The following NAALADL2 variants were observed in gnomAD, a reference collection of about 807,000 sequenced individuals.
The protein encoded by NAALADL2 is inactive N-acetylated-alpha-linked acidic dipeptidase-like protein 2.
NAALADL2 carries 76 observed loss-of-function variants against 87.2 expected under a neutral mutation model. That is an observed-to-expected ratio of 0.87 (90% CI 0.72 to 1.05). NAALADL2 has a LOEUF of 1.05. Ranked by LOEUF, NAALADL2 falls within the 50% of genes least tolerant of loss-of-function variation. The pLI is 0.00. For synonymous variants in NAALADL2, 354 were observed against 331.0 expected, an observed-to-expected ratio of 1.07 and a Z score of -0.75; for missense variants, 1,089 against 945.8, an observed-to-expected ratio of 1.15 and a Z score of -1.99.
Position 174,968,636 on chromosome 3 carries a change from C to T in NAALADL2, c.43+109186C>T, listed in dbSNP as rs868361786. The stretch of plus-strand genomic sequence containing the variant: ...CTGGGATTACAGGTGCACGCCACCA[C>T]GCCCAGCTAATTTTTGTATTTTTAT... On this transcript the variant is annotated intron_variant, in intron 1 of 13. Coordinates refer to ENST00000454872, the MANE Select transcript of NAALADL2 (RefSeq NM_207015.3). Among the ~76,000 whole-genome samples the T allele has an allele frequency of 2.6e-5, 4 of 152,074 alleles. No individual in the cohort carries two copies. In the East Asian group the frequency reaches 7.8e-4, roughly 30 times the overall value.
chr3:175,797,635 A>C (rs6791089), intron 13 of NAALADL2, among the ~76,000 whole-genome samples: 20,221 of 152,006 alleles, frequency 0.13, 1,784 homozygotes, highest in African/African-American at 0.23. Context: ...GTCAGTTCCT[A>C]GTCTTTCCCA....
intron 1 of NAALADL2, among the ~76,000 whole-genome samples, chr3:174,912,885 T>A (rs1198229997): frequency 6.6e-6 from 1 of 152,190 alleles, no homozygotes; most frequent in Non-Finnish European, 1.5e-5. Flanking sequence ...TACTAATGAT[T>A]TGAACATGAT....
chr3:175,411,739 A>G (rs1713559252), intron 5 of NAALADL2, among the ~76,000 whole-genome samples: 1 of 152,110 alleles, frequency 6.6e-6, no homozygotes, highest in South Asian at 2.1e-4. Flanking sequence ...ATCAGAAACA[A>G]AAGTATTTTA....
intron 1 of NAALADL2, among the ~76,000 whole-genome samples, chr3:174,939,014 T>C (rs9854425): frequency 0.013 from 1,965 of 152,236 alleles, 45 homozygotes; most frequent in African/African-American, 0.045. Flanking sequence ...TAAGTTTAAT[T>C]AGATCCTTCT....
chr3:175,718,769 A>G, intron 11 of NAALADL2: 1 of 868,646 alleles, frequency 1.2e-6, no homozygotes, highest in Non-Finnish European at 1.7e-6. Context: ...CTACAAATGT[A>G]TTTAAAAATT....
At chr3:175,110,488 GCCTTTTCAGTTGC>G (rs1316530737) in intron 2 of NAALADL2, among the ~76,000 whole-genome samples, 2 of 151,802 alleles carry the variant, frequency 1.3e-5, no homozygotes, top group Non-Finnish European at 2.9e-5. Flanking sequence ...TTCTGCTGTA[GCCTTTTCAGTTGC>G]CCTTTTGACA....
intron 10 of NAALADL2, among the ~76,000 whole-genome samples, chr3:175,583,355 C>T (rs1720067678): frequency 6.6e-6 from 1 of 152,064 alleles, no homozygotes; most frequent in Non-Finnish European, 1.5e-5. Context: ...TGGAGACTGT[C>T]TGTATATGCC....
At chr3:175,373,797 C>T (rs910788486) in intron 5 of NAALADL2, among the ~76,000 whole-genome samples, 1 of 152,118 alleles carries the variant, frequency 6.6e-6, no homozygotes, top group Non-Finnish European at 1.5e-5. Flanking sequence ...ATGAGAGTCT[C>T]CTTGCTCTAC....
rs1475703563 is a variant in NAALADL2 at position 175,809,553 on chromosome 3, AGCTAGGCATGTTGGTGTG to A, written c.*6351_*6368del. 6.8e-6 allele frequency: 1 copy of A among 147,078 alleles called. No homozygotes were observed. The highest frequency in any genetic ancestry group is 1.5e-5 in the Non-Finnish European group (1 of 66,696). 9.1% of individuals were successfully genotyped at this position (147,078 alleles called of 1,614,324 possible). A position where few individuals can be genotyped will look rare whatever the true frequency, so the allele number is the denominator to read the frequency against. ...AAAAAAAAAAAAGAAAAGAAAAAGT[AGCTAGGCATGTTGGTGTG>A]CACCTTTGTAGTCCAGCTACTAGGG... On this transcript the variant is annotated 3_prime_UTR_variant, in exon 14 of 14. Transcript: ENST00000454872.
At chr3:175,061,667 A>G (rs1301504131) in intron 1 of NAALADL2, among the ~76,000 whole-genome samples, 1 of 151,488 alleles carries the variant, frequency 6.6e-6, no homozygotes, top group East Asian at 1.9e-4. Flanking sequence ...TTTCTCTTCC[A>G]TTCATTTTCC....
intron 11 of NAALADL2, among the ~76,000 whole-genome samples, chr3:175,733,821 C>T (rs544656734): frequency 6.6e-6 from 1 of 152,290 alleles, no homozygotes; most frequent in East Asian, 1.9e-4. Context: ...GACCAAAATA[C>T]AGGGGCTACA....
intron 11 of NAALADL2, among the ~76,000 whole-genome samples, chr3:175,651,406 T>C (rs1730745522): frequency 6.6e-6 from 1 of 152,174 alleles, no homozygotes. Context: ...GATTAAATGA[T>C]ACAATCTACT....
chr3:174,630,463 T>A (rs953571476), intron 2 of NAALADL2, among the ~76,000 whole-genome samples: 2 of 152,154 alleles, frequency 1.3e-5, no homozygotes, highest in Non-Finnish European at 2.9e-5. Flanking sequence ...GCTTACAAAA[T>A]TTATCCTTAC....
chr3:175,506,335 C>T (rs561907061), intron 9 of NAALADL2, among the ~76,000 whole-genome samples: 8 of 152,108 alleles, frequency 5.3e-5, no homozygotes, highest in Non-Finnish European at 8.8e-5. Flanking sequence ...AAGTAATTTC[C>T]GAAGGTCATC....
At chr3:174,598,825 C>T (rs1346398408) in intron 2 of NAALADL2, among the ~76,000 whole-genome samples, 1 of 152,164 alleles carries the variant, frequency 6.6e-6, no homozygotes, top group Non-Finnish European at 1.5e-5. Context: ...ATGTTGCTAT[C>T]ATTTTTGAAA....
chr3:174,536,551 T>G (rs1031452569), intron 1 of NAALADL2: 1 of 152,130 alleles, frequency 6.6e-6, no homozygotes, highest in Non-Finnish European at 1.5e-5. Context: ...AAGTCACAAT[T>G]GATTTCACTC....
chr3:174,602,092 G>A (rs1718511195), intron 2 of NAALADL2, among the ~76,000 whole-genome samples: 1 of 151,580 alleles, frequency 6.6e-6, no homozygotes, highest in African/African-American at 2.4e-5. Context: ...CATAGCTTTG[G>A]CTATTCTGAG....
At chr3:175,453,763 G>A (rs1258454713) in intron 6 of NAALADL2, among the ~76,000 whole-genome samples, 3 of 151,996 alleles carry the variant, frequency 2.0e-5, no homozygotes, top group Non-Finnish European at 4.4e-5. Flanking sequence ...TTCTATACAT[G>A]CCACTTAGAC....
chr3:175,344,827 G>A (rs1053075820), intron 5 of NAALADL2, among the ~76,000 whole-genome samples: 1 of 151,884 alleles, frequency 6.6e-6, no homozygotes, highest in Non-Finnish European at 1.5e-5. Context: ...AACTACATTA[G>A]AAATAAAATA....
Sources: allele counts gnomAD v4.1 joint callset (sites outside exome capture counted in the v4.1 genomes callset), GRCh38; gene constraint gnomAD v4.1.1; transcripts MANE v1.5; gene names NCBI Gene and HGNC (gene_info 2026-07-23, HGNC 2026-07-21).